The following SND1 variants were observed in gnomAD, a reference collection of about 807,000 sequenced individuals.
SND1 encodes staphylococcal nuclease and tudor domain containing 1.
A neutral mutation model predicts 121.7 loss-of-function variants in SND1; 38 were observed. The observed-to-expected ratio is 0.31, with a 90% CI of 0.24 to 0.41. The LOEUF is 0.41. SND1 is among the 10% of genes least tolerant of loss of function. SND1 has a pLI of 1.00. For missense variants in SND1, 868 were observed against 1,184.6 expected, an observed-to-expected ratio of 0.73 and a Z score of 3.92; for synonymous variants, 401 against 447.4, an observed-to-expected ratio of 0.90 and a Z score of 1.31.
intron 11 of SND1, among the ~76,000 whole-genome samples, chr7:127,835,114 T>C (rs1327602573): frequency 3.4e-5 from 5 of 147,190 alleles, no homozygotes; most frequent in Non-Finnish European, 7.4e-5. Flanking sequence ...ACAGAGCAAA[T>C]GTAATGTAAC....
At position 128,059,928 on chromosome 7, in the gene SND1, A is replaced by G. The variant is rs553878871; in HGVS notation, c.1780-14574A>G. Among the ~76,000 whole-genome samples the G allele has an allele frequency of 7.2e-5, 11 of 152,332 alleles. No individual in the cohort carries two copies. In the South Asian group the frequency reaches 2.1e-3, roughly 29 times the overall value. On this transcript the variant is annotated intron_variant, in intron 16 of 23. Transcript: ENST00000354725. ...GGGACTGGGGCTGAATTTCAAACAA[A>G]CAGGAAAATAGCCCGTTCAGAGGGC... is the stretch of plus-strand genomic sequence containing the variant.
intron 14 of SND1, among the ~76,000 whole-genome samples, 155 bp from the exon 15 acceptor site, chr7:127,929,033 C>T (rs1403527231): frequency 6.6e-6 from 1 of 152,136 alleles, no homozygotes; most frequent in Non-Finnish European, 1.5e-5. Flanking sequence ...TCTACTGAGG[C>T]CTCATGGGTA....
At chr7:127,916,094 C>T (rs77913161) in intron 14 of SND1, among the ~76,000 whole-genome samples, 1 of 150,402 alleles carries the variant, frequency 6.6e-6, no homozygotes, top group Non-Finnish European at 1.5e-5. Flanking sequence ...AGGTATATAT[C>T]TATTAATTTT....
chr7:128,041,539 T>C (rs1792855066), intron 16 of SND1, among the ~76,000 whole-genome samples: 1 of 152,222 alleles, frequency 6.6e-6, no homozygotes, highest in Admixed American at 6.5e-5. Flanking sequence ...ATGCTTCCAG[T>C]GGAAAATCAC....
At chr7:127,962,829 T>TTGAA (rs1275872752) in intron 15 of SND1, among the ~76,000 whole-genome samples, 1 of 152,220 alleles carries the variant, frequency 6.6e-6, no homozygotes, top group African/African-American at 2.4e-5. Flanking sequence ...TCCACTGGAC[T>TTGAA]TTCAGCTCTA....
intron 16 of SND1, among the ~76,000 whole-genome samples, chr7:128,060,197 G>A (rs996236904): frequency 6.6e-6 from 1 of 152,198 alleles, no homozygotes; most frequent in Non-Finnish European, 1.5e-5. Context: ...CTCCTTCTAA[G>A]TGGGCTCTGC....
At chr7:127,756,583 C>T (rs901169611) in intron 10 of SND1, among the ~76,000 whole-genome samples, 1 of 152,208 alleles carries the variant, frequency 6.6e-6, no homozygotes, top group African/African-American at 2.4e-5. Flanking sequence ...CTTGTATCTT[C>T]CTCCATATCT....
intron 11 of SND1, among the ~76,000 whole-genome samples, chr7:127,819,351 A>C (rs1798503724): frequency 6.6e-6 from 1 of 152,134 alleles, no homozygotes; most frequent in Non-Finnish European, 1.5e-5. Flanking sequence ...CATTTCTTTC[A>C]TTGTTCCTCA....
At position 127,857,858 on chromosome 7, in the gene SND1, G is replaced by A. The variant is rs939731983; in HGVS notation, c.1343+13434G>A. Reference sequence around the variant, plus strand: ...GGTCCCCAGCAGTCTCAGGTGTAGAGGTCAAAGTCAATGCGTTTGGAGTTG... The same window carrying A: ...GGTCCCCAGCAGTCTCAGGTGTAGAAGTCAAAGTCAATGCGTTTGGAGTTG... On this transcript the variant is annotated intron_variant, in intron 12 of 23. Coordinates refer to ENST00000354725, the MANE Select transcript of SND1 (RefSeq NM_014390.4). 5.6e-6 allele frequency: 7 copies of A among 1,250,212 alleles called. No individual in the cohort carries two copies. The African/African-American group carries it at 7.4e-5, about 13-fold the overall frequency. The allele number at this position is 1,250,212 out of a possible 1,614,324, so 77.4% of individuals were successfully genotyped here.
At chr7:127,991,093 G>T in intron 16 of SND1, 37 bp downstream of exon 16, 3 of 1,515,756 alleles carry the variant, frequency 2.0e-6, no homozygotes, top group East Asian at 2.3e-5. Flanking sequence ...TGTGAGGAGG[G>T]GTGACAAAAT....
intron 10 of SND1, among the ~76,000 whole-genome samples, chr7:127,741,216 A>T (rs1353928792): frequency 1.3e-5 from 2 of 152,228 alleles, no homozygotes; most frequent in Non-Finnish European, 2.9e-5. Flanking sequence ...CCGTAAGAAT[A>T]CCTGTAACAT....
intron 16 of SND1, among the ~76,000 whole-genome samples, chr7:128,065,086 G>A (rs1286650905): frequency 6.6e-6 from 1 of 152,236 alleles, no homozygotes; most frequent in Admixed American, 6.5e-5. Flanking sequence ...GACTTGCTAA[G>A]ATGGGCAAGA....
At chr7:127,800,182 T>C (rs1212997591) in intron 10 of SND1, among the ~76,000 whole-genome samples, 1 of 152,246 alleles carries the variant, frequency 6.6e-6, no homozygotes, top group Admixed American at 6.5e-5. Context: ...TTTATTAAAA[T>C]GGCATGTGTG....
chr7:127,763,903 TC>T (rs1343649964), intron 10 of SND1, among the ~76,000 whole-genome samples: 1 of 151,660 alleles, frequency 6.6e-6, no homozygotes, highest in Non-Finnish European at 1.5e-5. Flanking sequence ...CTGTCTCTAC[TC>T]AAGATTAAAA....
At chr7:127,752,474 C>G (rs1260497796) in intron 10 of SND1, among the ~76,000 whole-genome samples, 3 of 152,200 alleles carry the variant, frequency 2.0e-5, no homozygotes, top group Non-Finnish European at 4.4e-5. Flanking sequence ...GGCTGCCCAT[C>G]TGGACTGCTG....
rs1793670209 is a variant in SND1, at chr7:128,085,262, T to C, written c.2234+415T>C. Among the ~76,000 whole-genome samples, 1 of 152,126 alleles carries C rather than the reference T, an allele frequency of 6.6e-6. No individual in the cohort carries two copies. The highest frequency in any genetic ancestry group is 1.5e-5 in the Non-Finnish European group (1 of 68,012). On this transcript the variant is annotated intron_variant, in intron 19 of 23. Transcript: ENST00000354725. The surrounding 1 kb of genome is among the most constrained non-coding windows in gnomAD (Gnocchi z 4.4). ...CGGCTGTCTAGGACATGAGCAGCAG[T>C]GCTCACAGGCCGGAAGAAGGTCGCT...
intron 10 of SND1, among the ~76,000 whole-genome samples, chr7:127,798,594 C>G (rs1192035857): frequency 6.6e-6 from 1 of 151,702 alleles, no homozygotes. Flanking sequence ...TTTAATTGAA[C>G]TATTTTGGCA....
intron 1 of SND1, among the ~76,000 whole-genome samples, chr7:127,670,735 G>A (rs1562972876): frequency 6.6e-6 from 1 of 150,694 alleles, no homozygotes; most frequent in Admixed American, 6.6e-5. Flanking sequence ...AGCTGGTCTT[G>A]AAATCCTGGC....
intron 10 of SND1, among the ~76,000 whole-genome samples, chr7:127,782,200 A>G (rs1432188143): frequency 6.6e-6 from 1 of 152,228 alleles, no homozygotes; most frequent in East Asian, 1.9e-4. Flanking sequence ...AGATTAATCT[A>G]AACACACTGA....
Sources: gnomAD v4.1 joint callset for allele counts (sites outside exome capture counted in the v4.1 genomes callset) on GRCh38, gnomAD v4.1.1 for gene constraint, Gnocchi (gnomAD v3.1) non-coding constraint, MANE v1.5 for transcripts, NCBI Gene and HGNC (gene_info 2026-07-23, HGNC 2026-07-21) for gene names.